CASD1: variants seen among roughly 807,000 people sequenced by gnomAD.
The protein encoded by CASD1 is CAS1 domain sialic acid O acetyltransferase 1, also known as N-acetylneuraminate (7)9-O-acetyltransferase.
CASD1 carries 41 observed loss-of-function variants against 100.0 expected under a neutral mutation model. The observed-to-expected ratio is 0.41, with a 90% confidence interval of 0.32 to 0.53. The LOEUF (loss-of-function observed/expected upper bound fraction) is 0.53, where lower values mean the gene tolerates loss of function less well. Ranked by LOEUF, CASD1 falls within the 20% of genes least tolerant of loss-of-function variation. CASD1 has a pLI of 0.25. For synonymous variants in CASD1, 321 were observed against 315.6 expected (o/e 1.02, Z -0.18); for missense variants, 774 against 948.7 (o/e 0.82, Z 2.42).
rs867147692 is a variant in CASD1, at chr7:94,534,832, G to A, written c.629-477G>A. The stretch of plus-strand genomic sequence containing the variant: ...GAAAAATTAGTTATTTATAGTAAGT[G>A]ATAAGAGAATAGGCAGACCTTGAGC... On this transcript the variant is annotated intron_variant, in intron 7 of 17. Coordinates refer to ENST00000297273, the MANE Select transcript of CASD1 (RefSeq NM_022900.5). Among the ~76,000 whole-genome samples the A allele has an allele frequency of 2.6e-5, 4 of 152,268 alleles. No homozygotes were observed. The South Asian group carries it at 6.2e-4, about 24-fold the overall frequency.
At chr7:94,566,173 A>G in the CASD1 span, among the ~76,000 whole-genome samples, 1 of 152,138 alleles carries the variant, frequency 6.6e-6, no homozygotes. Flanking sequence ...AGTTAATAAC[A>G]AATGAATGCA....
At chr7:94,616,490 T>C in the CASD1 span, among the ~76,000 whole-genome samples, 2 of 152,194 alleles carry the variant, frequency 1.3e-5, no homozygotes, top group Non-Finnish European at 2.9e-5. Context: ...TTGCTAGCTC[T>C]GAACCTATTT....
the CASD1 span, among the ~76,000 whole-genome samples, chr7:94,615,415 T>C: frequency 7.7e-6 from 1 of 129,948 alleles, no homozygotes. Context: ...GATAGATAGA[T>C]AGATAGATAA....
the CASD1 span, chr7:94,598,277 GT>G: frequency 5.6e-6 from 1 of 179,702 alleles, no homozygotes; most frequent in Non-Finnish European, 1.2e-5. Flanking sequence ...AATAAAATAG[GT>G]GTTTATAGTC....
chr7:94,625,671 T>C, the CASD1 span: 1 of 152,144 alleles, frequency 6.6e-6, no homozygotes. Flanking sequence ...AGTACTTTTT[T>C]TTAATTGAAC....
chr7:94,535,510 C>G lies in CASD1; in HGVS notation c.830C>G (p.Ser277Trp). ...TTGGATGGCTTACATCTTCCTGAATCGAGCAGAGAAACTGTGAGAAATTTT... is the reference window on the plus strand; with the variant it reads ...TTGGATGGCTTACATCTTCCTGAATGGAGCAGAGAAACTGTGAGAAATTTT... ...ESLDGLHLPESSRETTAMILM... is the reference protein window; with the variant it reads ...ESLDGLHLPEWSRETTAMILM... The change falls in exon 8 of 18, where the codon TCG becomes TGG. Residue 277 changes from serine to tryptophan, a missense_variant. Physicochemically the swap from Ser to Trp is radical, Grantham distance 177. Coordinates refer to ENST00000297273, the MANE Select transcript of CASD1 (RefSeq NM_022900.5). The G allele has an allele frequency of 6.2e-7, 1 of 1,612,840 alleles. No individual in the cohort carries two copies. Among genetic ancestry groups the G allele is most frequent in the Non-Finnish European group, 8.5e-7 (1 of 1,179,176 alleles).
chr7:94,626,365 T>C, the CASD1 span: 6 of 152,060 alleles, frequency 3.9e-5, no homozygotes, highest in African/African-American at 1.4e-4. Context: ...GTCAAAGAGA[T>C]TTTTCTACAT....
chr7:94,575,808 GC>G, the CASD1 span, among the ~76,000 whole-genome samples: 1 of 152,162 alleles, frequency 6.6e-6, no homozygotes, highest in African/African-American at 2.4e-5. Flanking sequence ...TCATCCCACT[GC>G]CTTCTTGCCT....
chr7:94,519,485 C>T (rs1794145686), intron 3 of CASD1, among the ~76,000 whole-genome samples: 1 of 152,102 alleles, frequency 6.6e-6, no homozygotes, highest in Non-Finnish European at 1.5e-5. Flanking sequence ...AAATCTTTAG[C>T]AACTATTCCA....
the CASD1 span, chr7:94,587,777 C>A: frequency 7.1e-6 from 11 of 1,546,960 alleles, no homozygotes. Flanking sequence ...ATTATACTTG[C>A]CTCAAATCTT....
the CASD1 span, chr7:94,585,335 T>C: frequency 5.3e-6 from 3 of 566,498 alleles, no homozygotes; most frequent in Non-Finnish European, 9.4e-6. Flanking sequence ...AAAAATACAT[T>C]AGTAAAATGA....
At position 94,535,542 on chromosome 7, in the gene CASD1, T is replaced by C. The variant is rs1309125379; in HGVS notation, c.843+19T>C. 4 of 1,507,958 alleles carry C rather than the reference T, an allele frequency of 2.7e-6. No homozygotes were observed. The African/African-American group carries it at 5.5e-5, about 21-fold the overall frequency. 93.4% of individuals were successfully genotyped at this position (1,507,958 alleles called of 1,614,324 possible). On this transcript the variant is annotated intron_variant, in intron 8 of 17. Transcript: ENST00000297273. ...AGAAACTGTGAGAAATTTTTACATA[T>C]GTCAGTAGATGGAGACTATAATATC...
Position 94,535,328 on chromosome 7 carries a change from A to G in CASD1, c.648A>G (p.Leu216=), listed in dbSNP as rs1287899223. ...GTGCAGATCCTGTTTATGAAGATCT[A>G]TTAAGTGAAAATAGGAAGATGATCA... ...WVLQDPVYED[L]LSENRKMITN... Residue 216 remains leucine (L), a synonymous_variant, in exon 8 of 18, where the codon CTA becomes CTG. Coordinates refer to ENST00000297273, the MANE Select transcript of CASD1 (RefSeq NM_022900.5). 6.2e-6 allele frequency: 10 copies of G among 1,612,392 alleles called. No individual in the cohort carries two copies. In the South Asian group the frequency reaches 7.7e-5, roughly 12 times the overall value.
At chr7:94,553,321 T>G (rs1172870295) in intron 16 of CASD1, among the ~76,000 whole-genome samples, 1 of 152,180 alleles carries the variant, frequency 6.6e-6, no homozygotes, top group Non-Finnish European at 1.5e-5. Flanking sequence ...CAAGATTAAG[T>G]GCCTTGCCAC....
chr7:94,595,600 T>C, the CASD1 span, among the ~76,000 whole-genome samples: 6 of 152,126 alleles, frequency 3.9e-5, no homozygotes, highest in African/African-American at 1.2e-4. Context: ...AAATATAATA[T>C]CACATTTTAA....
the CASD1 span, among the ~76,000 whole-genome samples, chr7:94,609,263 A>G: frequency 6.6e-6 from 1 of 152,268 alleles, no homozygotes; most frequent in East Asian, 1.9e-4. Flanking sequence ...GCAGTGGCTC[A>G]AGCCTGTAAT....
the CASD1 span, among the ~76,000 whole-genome samples, chr7:94,633,484 A>G: frequency 6.6e-5 from 10 of 152,216 alleles, no homozygotes; most frequent in East Asian, 1.9e-4. Context: ...TCTCATCACC[A>G]TGTTACCAAA....
intron 1 of CASD1, among the ~76,000 whole-genome samples, chr7:94,514,167 A>T (rs1461600011): frequency 6.6e-6 from 1 of 152,008 alleles, no homozygotes; most frequent in East Asian, 1.9e-4. Context: ...GTGCTAAATG[A>T]TATTGGATGT....
At chr7:94,600,367 ATATC>A in the CASD1 span, 1 of 378,952 alleles carries the variant, frequency 2.6e-6, no homozygotes, top group African/African-American at 2.1e-5. Flanking sequence ...TATAACCAAA[ATATC>A]TAGCCTCAAT....
Sources: allele counts gnomAD v4.1 joint callset (sites outside exome capture counted in the v4.1 genomes callset), GRCh38; gene constraint gnomAD v4.1.1; transcripts MANE v1.5; gene names NCBI Gene and HGNC (gene_info 2026-07-23, HGNC 2026-07-21).